GNAT3: variants seen among roughly 807,000 people sequenced by gnomAD.
GNAT3 encodes guanine nucleotide-binding protein G(t) subunit alpha-3.
A neutral mutation model predicts 37.7 loss-of-function variants in GNAT3; 31 were observed. The observed-to-expected ratio is 0.82, with a 90% CI of 0.62 to 1.11. The LOEUF is 1.11. GNAT3 is among the 50% of genes most tolerant of loss of function. The probability of loss-of-function intolerance (pLI) is 0.00; values close to 1 mark genes in which losing one functional copy is unlikely to be tolerated. For missense variants in GNAT3, 437 were observed against 412.5 expected (o/e 1.06, Z -0.51); for synonymous variants, 138 against 139.8 (o/e 0.99, Z 0.09).
chr7:80,505,512 G>T (rs928286053), intron 1 of GNAT3, among the ~76,000 whole-genome samples: 3 of 151,980 alleles, frequency 2.0e-5, no homozygotes, highest in African/African-American at 7.3e-5. Flanking sequence ...GACTACAGGC[G>T]CCCGCCAACA....
At chr7:80,485,215 A>T (rs1275201337) in intron 3 of GNAT3, among the ~76,000 whole-genome samples, 2 of 149,976 alleles carry the variant, frequency 1.3e-5, no homozygotes, top group African/African-American at 2.4e-5. Context: ...TATCCCTAAT[A>T]CCCTTCCCTT....
intron 1 of GNAT3, among the ~76,000 whole-genome samples, chr7:80,506,858 G>A (rs545106695): frequency 1.1e-3 from 160 of 152,194 alleles, no homozygotes; most frequent in African/African-American, 3.8e-3. Flanking sequence ...ATTACCTTGC[G>A]TAGTTATTTT....
intron 1 of GNAT3, among the ~76,000 whole-genome samples, chr7:80,496,127 A>G (rs1584191816): frequency 1.3e-5 from 2 of 152,064 alleles, no homozygotes; most frequent in South Asian, 4.1e-4. Context: ...CTAGGCCAAT[A>G]TCCAGAAGAG....
chr7:80,463,937 T>C (rs1790094378), intron 5 of GNAT3, among the ~76,000 whole-genome samples: 2 of 151,118 alleles, frequency 1.3e-5, no homozygotes, highest in African/African-American at 4.9e-5. Context: ...TTTGGGAACA[T>C]AAAGAATAAG....
chr7:80,462,714 TGG>T, intron 5 of GNAT3, 83 bp from the exon 6 acceptor site: 3 of 1,025,634 alleles, frequency 2.9e-6, no homozygotes, highest in South Asian at 1.7e-5. Context: ...GAGGTATAAA[TGG>T]GTGATCCCCT....
chr7:80,473,218 C>A (rs1000413162), intron 5 of GNAT3, among the ~76,000 whole-genome samples: 3 of 152,144 alleles, frequency 2.0e-5, no homozygotes, highest in Non-Finnish European at 2.9e-5. Flanking sequence ...ATCTTTGGCT[C>A]ATCTTTCAGA....
chr7:80,473,805 A>G (rs2116160483), intron 5 of GNAT3, among the ~76,000 whole-genome samples: 1 of 152,320 alleles, frequency 6.6e-6, no homozygotes, highest in East Asian at 1.9e-4. Flanking sequence ...ATAGTATCAT[A>G]TTCAAATAAT....
At chr7:80,488,172 C>T (rs1389964230) in intron 3 of GNAT3, among the ~76,000 whole-genome samples, 1 of 151,930 alleles carries the variant, frequency 6.6e-6, no homozygotes, top group African/African-American at 2.4e-5. Flanking sequence ...ATTTTTTAGT[C>T]TCTTTGAAAT....
At chr7:80,467,341 T>C (rs558903930) in intron 5 of GNAT3, among the ~76,000 whole-genome samples, 4 of 152,218 alleles carry the variant, frequency 2.6e-5, no homozygotes, top group South Asian at 2.1e-4. Context: ...TGTGTGCAGA[T>C]TGACGTAGGA....
intron 2 of GNAT3, among the ~76,000 whole-genome samples, chr7:80,493,124 A>G (rs1403592641): frequency 3.9e-5 from 6 of 152,000 alleles, no homozygotes; most frequent in Non-Finnish European, 7.4e-5. Flanking sequence ...TACTATATTT[A>G]AAAGTTTTAT....
intron 1 of GNAT3, among the ~76,000 whole-genome samples, chr7:80,501,800 T>C (rs1258586187): frequency 6.6e-6 from 1 of 151,968 alleles, no homozygotes; most frequent in East Asian, 1.9e-4. Flanking sequence ...ATGTGGATTT[T>C]CAGTTTGTCA....
In GNAT3 at chr7:80,462,214, G is replaced by A; in HGVS notation, c.819C>T (p.Ile273=). 6.2e-7 allele frequency: 1 copy of A among 1,605,572 alleles called. No homozygotes were observed. Among genetic ancestry groups the A allele is most frequent in the Non-Finnish European group, 8.5e-7 (1 of 1,175,072 alleles). The change falls in exon 7 of 8, where the codon ATC becomes ATT. Residue 273 remains isoleucine (I), a synonymous_variant. Coordinates refer to ENST00000398291, the MANE Select transcript of GNAT3 (RefSeq NM_001102386.3). ...SIVLFLNKKD[I]FQEKVTKVHL... ...GCACCTTGGTTACCTTTTCTTGAAA[G>A]ATATCTTTTTTGTTGAGGAACAGGA...
chr7:80,476,430 G>A (rs1052534352), intron 4 of GNAT3, among the ~76,000 whole-genome samples: 69 of 145,170 alleles, frequency 4.8e-4, no homozygotes, highest in Non-Finnish European at 1.4e-4. Flanking sequence ...GAATTTTAAA[G>A]GCACACTAGA....
At chr7:80,490,402 A>AAAG (rs1314121567) in intron 2 of GNAT3, among the ~76,000 whole-genome samples, 4 of 152,160 alleles carry the variant, frequency 2.6e-5, no homozygotes, top group Non-Finnish European at 2.9e-5. Context: ...CAGAGCATAT[A>AAAG]AAGAGATTTT....
At position 80,462,604 on chromosome 7, in the gene GNAT3, A is replaced by T; in HGVS notation, c.618T>A (p.Ser206=). 1 of 1,612,312 alleles carries T rather than the reference A, an allele frequency of 6.2e-7. No homozygotes were observed. The highest frequency in any genetic ancestry group is 8.5e-7 in the Non-Finnish European group (1 of 1,178,692). ...AGCAGTGAATCCACTTCTTTCTCTC[A>T]GATCTCTGTCCACCTACATCAAACA... ...FRMFDVGGQR[S]ERKKWIHCFE... is the part of the protein sequence containing the mutation. Residue 206 remains serine (S), a synonymous_variant, in exon 6 of 8, where the codon TCT becomes TCA. Transcript: ENST00000398291.
rs534843669 is a variant in GNAT3, at chr7:80,474,438, T to A, written c.462-59A>T. ...TATATAATACATAAATACATACATA[T>A]ATGTATATATACACACATACATACA... On this transcript the variant is annotated intron_variant, in intron 4 of 7. Transcript: ENST00000398291. 1.5e-5 allele frequency: 11 copies of A among 736,950 alleles called. No homozygotes were observed. In the Admixed American group the frequency reaches 1.9e-4, roughly 13 times the overall value. The allele number at this position is 736,950 out of a possible 1,614,324, so 45.7% of individuals were successfully genotyped here. A position where few individuals can be genotyped will look rare whatever the true frequency, so the allele number is the denominator to read the frequency against.
In GNAT3 at chr7:80,488,599, G is replaced by T. The variant is rs1355656169; in HGVS notation, c.239C>A (p.Ser80Tyr). Residue 80 changes from serine (S) to tyrosine (Y), a missense_variant, in exon 3 of 8, where the codon TCC becomes TAC. Ser to Tyr is a moderately radical substitution (Grantham distance 144, BLOSUM62 -2). Transcript: ENST00000398291. ...KAVIYSNTLQSILAIVKAMTT... is the reference protein window; with the variant it reads ...KAVIYSNTLQYILAIVKAMTT... ...CATGGCTTTCACAATAGCTAGGATG[G>T]ATTGCAATGTATTACTGTAAATTAC... is the stretch of plus-strand genomic sequence containing the variant. 13 of 1,596,394 alleles carry T rather than the reference G, an allele frequency of 8.1e-6. No individual in the cohort carries two copies. Among genetic ancestry groups the T allele is most frequent in the Middle Eastern group, 1.7e-4 (1 of 6,054 alleles).
At chr7:80,497,641 T>TAC (rs1186745393) in intron 1 of GNAT3, among the ~76,000 whole-genome samples, 2 of 110,144 alleles carry the variant, frequency 1.8e-5, no homozygotes, top group African/African-American at 1.0e-4. Context: ...TATACGTATA[T>TAC]ACATATACGT....
intron 5 of GNAT3, among the ~76,000 whole-genome samples, chr7:80,466,645 A>G (rs1046831122): frequency 6.6e-6 from 1 of 152,112 alleles, no homozygotes; most frequent in Non-Finnish European, 1.5e-5. Flanking sequence ...GGAGGAGGAA[A>G]AAAAGGGAGC....
Sources: gnomAD v4.1 joint callset for allele counts (sites outside exome capture counted in the v4.1 genomes callset) on GRCh38, gnomAD v4.1.1 for gene constraint, MANE v1.5 for transcripts, NCBI Gene and HGNC (gene_info 2026-07-23, HGNC 2026-07-21) for gene names.